Variants in TASP1 observed in about 807,000 individuals in gnomAD.
TASP1 encodes threonine aspartase 1.
TASP1 carries 16 observed loss-of-function variants against 56.6 expected under a neutral mutation model. The observed-to-expected ratio is 0.28, with a 90% CI of 0.19 to 0.43. TASP1 has a LOEUF of 0.43. TASP1 is among the 20% of genes least tolerant of loss of function. The probability of loss-of-function intolerance (pLI) is 1.00; values close to 1 mark genes in which losing one functional copy is unlikely to be tolerated. For synonymous variants in TASP1, 179 were observed against 184.2 expected (o/e 0.97, Z 0.23); for missense variants, 393 against 511.6 (o/e 0.77, Z 2.24).
the TASP1 span, chr20:13,165,089 C>A: frequency 2.1e-6 from 1 of 476,068 alleles, no homozygotes; most frequent in Non-Finnish European, 3.7e-6. Flanking sequence ...TCCAAGTATT[C>A]TACTAGAAAT....
In TASP1 at chr20:13,598,994, A is replaced by G. The variant is rs140215813; in HGVS notation, c.283-11624T>C. 8.6e-4 allele frequency among the ~76,000 whole-genome samples: 131 copies of G among 152,250 alleles called. 1 individual carries two copies. In the South Asian group the frequency reaches 1.0e-2, roughly 12 times the overall value. On this transcript the variant is annotated intron_variant, in intron 4 of 13. Transcript: ENST00000337743. Reference sequence around the variant, plus strand: ...CACAATGAGATACCATCTCACACCAATTAGAACGGCGATCATTAAAAATTC... The same window carrying G: ...CACAATGAGATACCATCTCACACCAGTTAGAACGGCGATCATTAAAAATTC...
the TASP1 span, among the ~76,000 whole-genome samples, chr20:13,224,909 G>A: frequency 4.2e-5 from 6 of 143,978 alleles, no homozygotes; most frequent in South Asian, 2.2e-4. Context: ...GCAGTGGCGC[G>A]ATCTCTGCTC....
At chr20:13,251,434 G>A in the TASP1 span, among the ~76,000 whole-genome samples, 3 of 152,222 alleles carry the variant, frequency 2.0e-5, no homozygotes, top group African/African-American at 4.8e-5. Context: ...AACATGCGTC[G>A]TGGAATCTCT....
At chr20:13,409,640 T>A (rs530482545) in intron 13 of TASP1, among the ~76,000 whole-genome samples, 1 of 152,154 alleles carries the variant, frequency 6.6e-6, no homozygotes, top group Non-Finnish European at 1.5e-5. Flanking sequence ...GATGTGAATA[T>A]ACTCAATATC....
chr20:13,179,050 T>A, the TASP1 span, among the ~76,000 whole-genome samples: 3 of 152,152 alleles, frequency 2.0e-5, no homozygotes, highest in Non-Finnish European at 4.4e-5. Context: ...TGTACAATTA[T>A]TTTTGTCAAC....
the TASP1 span, among the ~76,000 whole-genome samples, chr20:13,370,857 C>T: frequency 6.6e-6 from 1 of 151,990 alleles, no homozygotes; most frequent in African/African-American, 2.4e-5. Flanking sequence ...TGTTATAGGT[C>T]TATTTAGATT....
chr20:13,310,554 G>A, the TASP1 span, among the ~76,000 whole-genome samples: 1 of 152,238 alleles, frequency 6.6e-6, no homozygotes, highest in South Asian at 2.1e-4. Flanking sequence ...GGCAACAAAA[G>A]CAAAAATAGG....
At chr20:13,387,229 C>T (rs901074639), downstream of TASP1, among the ~76,000 whole-genome samples, 16 of 115,894 alleles carry the variant, frequency 1.4e-4, no homozygotes, top group Admixed American at 2.2e-4. Context: ...GTTTCACTCT[C>T]GTCACCTAGG....
chr20:13,177,999 A>G, the TASP1 span, among the ~76,000 whole-genome samples: 1 of 152,160 alleles, frequency 6.6e-6, no homozygotes, highest in African/African-American at 2.4e-5. Flanking sequence ...TTTGCAAACT[A>G]CTTACCTGAC....
At chr20:13,232,421 A>G in the TASP1 span, among the ~76,000 whole-genome samples, 1 of 152,230 alleles carries the variant, frequency 6.6e-6, no homozygotes, top group African/African-American at 2.4e-5. Flanking sequence ...ATTGCATGAT[A>G]TGGCTTTTTG....
chr20:13,265,399 GA>G, the TASP1 span, among the ~76,000 whole-genome samples: 50 of 152,264 alleles, frequency 3.3e-4, 1 homozygote, highest in East Asian at 7.9e-3. Context: ...TCTCCTTCAT[GA>G]GTATCCTTAT....
chr20:13,575,781 C>T (rs181547897), intron 6 of TASP1, among the ~76,000 whole-genome samples: 16 of 152,192 alleles, frequency 1.1e-4, no homozygotes, highest in African/African-American at 3.9e-4. Context: ...GAATGATGTC[C>T]ACTCTCACAC....
the TASP1 span, among the ~76,000 whole-genome samples, chr20:13,248,746 G>A: frequency 3.3e-5 from 5 of 152,196 alleles, no homozygotes; most frequent in South Asian, 2.1e-4. Context: ...TTTTGAGGCC[G>A]TTCCCTTGAT....
the TASP1 span, among the ~76,000 whole-genome samples, chr20:13,341,237 T>G: frequency 6.6e-6 from 1 of 152,224 alleles, no homozygotes; most frequent in African/African-American, 2.4e-5. Flanking sequence ...TGCTAACTTT[T>G]CCCAGTCCTC....
chr20:13,468,337 T>C (rs1042991842), intron 11 of TASP1, among the ~76,000 whole-genome samples: 2 of 150,978 alleles, frequency 1.3e-5, no homozygotes, highest in African/African-American at 2.4e-5. Context: ...CATAAGCTGC[T>C]CCCTGTTGAT....
the TASP1 span, among the ~76,000 whole-genome samples, chr20:13,332,477 C>A: frequency 6.6e-6 from 1 of 152,100 alleles, no homozygotes; most frequent in Non-Finnish European, 1.5e-5. Context: ...GTTTTAAATG[C>A]AAATAAAGAG....
intron 10 of TASP1, 63 bp from the exon 11 acceptor site, chr20:13,483,400 T>C (rs2043211102): frequency 8.7e-7 from 1 of 1,155,718 alleles, no homozygotes; most frequent in Non-Finnish European, 1.2e-6. Flanking sequence ...CTTATTTCAA[T>C]AGCATTAGAA....
the TASP1 span, among the ~76,000 whole-genome samples, chr20:13,367,752 T>A: frequency 9.2e-5 from 14 of 152,228 alleles, no homozygotes; most frequent in Non-Finnish European, 1.5e-4. Flanking sequence ...ATTAGAATCC[T>A]TAATGAAGGT....
At chr20:13,555,143 G>A (rs1014837712) in intron 8 of TASP1, among the ~76,000 whole-genome samples, 20 of 152,012 alleles carry the variant, frequency 1.3e-4, no homozygotes, top group African/African-American at 4.8e-4. Context: ...CAGCACTTTG[G>A]GAGACCAAGG....
Sources: gnomAD v4.1 joint callset for allele counts (sites outside exome capture counted in the v4.1 genomes callset) on GRCh38, gnomAD v4.1.1 for gene constraint, MANE v1.5 for transcripts, NCBI Gene and HGNC (gene_info 2026-07-23, HGNC 2026-07-21) for gene names.